Variants in GRIN2A observed in about 807,000 individuals in gnomAD.
GRIN2A encodes glutamate receptor ionotropic, NMDA 2A.
Under a neutral mutation model 113.4 loss-of-function variants are expected in GRIN2A, and 22 were observed. The observed-to-expected ratio is 0.19, with a 90% CI of 0.14 to 0.28. The LOEUF (loss-of-function observed/expected upper bound fraction) is 0.28. GRIN2A is among the 10% of genes least tolerant of loss of function. The pLI is 1.00. For missense variants in GRIN2A, 1,502 were observed against 1,887.0 expected (o/e 0.80, Z 3.78); for synonymous variants, 827 against 738.4 (o/e 1.12, Z -1.94).
intron 11 of GRIN2A, among the ~76,000 whole-genome samples, chr16:9,780,115 G>T (rs754173430): frequency 2.0e-5 from 3 of 152,216 alleles, no homozygotes; most frequent in African/African-American, 7.2e-5. Flanking sequence ...CTTACAGAAA[G>T]TCGAAAAGGA....
intron 2 of GRIN2A, among the ~76,000 whole-genome samples, chr16:10,029,047 G>C (rs1485153146): frequency 6.6e-6 from 1 of 152,196 alleles, no homozygotes; most frequent in African/African-American, 2.4e-5. Context: ...ACCAAATGCA[G>C]AGGGATCTCA....
At chr16:10,048,273 C>T (rs965899026) in intron 2 of GRIN2A, among the ~76,000 whole-genome samples, 1 of 152,118 alleles carries the variant, frequency 6.6e-6, no homozygotes, top group Non-Finnish European at 1.5e-5. Flanking sequence ...TCGTGATTGG[C>T]ACTTAGTAAG....
At chr16:10,171,141 T>C (rs2050033187) in intron 2 of GRIN2A, among the ~76,000 whole-genome samples, 1 of 152,168 alleles carries the variant, frequency 6.6e-6, no homozygotes, top group Admixed American at 6.5e-5. Flanking sequence ...ATCAAATGTA[T>C]TCGTAGTCAT....
chr16:10,039,800 GA>G lies in GRIN2A; in HGVS notation c.415-101250del, dbSNP rs1386197439. Among the ~76,000 whole-genome samples, 22 of 55,048 alleles carry G rather than the reference GA, an allele frequency of 4.0e-4. 1 individual carries two copies. Among genetic ancestry groups the G allele is most frequent in the Admixed American group, 5.5e-4 (3 of 5,480 alleles). 36.1% of individuals were successfully genotyped at this position (55,048 alleles called of 152,430 possible). ...GGAGGGGGAGGGGGAGGGGGAGGGG[GA>G]GGGGGGGGAGAAAGAGAGAGAGAGA... On this transcript the variant is annotated intron_variant, in intron 2 of 12. Transcript: ENST00000330684.
At chr16:10,173,556 T>C (rs1322089294) in intron 2 of GRIN2A, among the ~76,000 whole-genome samples, 1 of 152,202 alleles carries the variant, frequency 6.6e-6, no homozygotes. Flanking sequence ...TTGTGATATG[T>C]TCATCCGGAA....
intron 2 of GRIN2A, among the ~76,000 whole-genome samples, chr16:10,050,757 C>T (rs183439413): frequency 6.6e-6 from 1 of 152,214 alleles, no homozygotes; most frequent in East Asian, 1.9e-4. Flanking sequence ...AAACTGTCTT[C>T]CACGAAACTG....
chr16:9,968,974 A>G (rs2141729919), intron 2 of GRIN2A, among the ~76,000 whole-genome samples: 1 of 152,312 alleles, frequency 6.6e-6, no homozygotes, highest in East Asian at 1.9e-4. Context: ...ATCTTATTCA[A>G]CTCACTATAT....
At chr16:10,179,713 A>G (rs1029093867) in intron 2 of GRIN2A, 32 of 487,068 alleles carry the variant, frequency 6.6e-5, no homozygotes, top group South Asian at 1.1e-4. Context: ...CGCCACCACC[A>G]CCACCCCACA....
chr16:10,012,044 A>G (rs780461167), intron 2 of GRIN2A, among the ~76,000 whole-genome samples: 1 of 152,118 alleles, frequency 6.6e-6, no homozygotes, highest in Non-Finnish European at 1.5e-5. Flanking sequence ...CAGTCCAATC[A>G]GTGATACTTG....
At chr16:10,170,109 T>G (rs2050010562) in intron 2 of GRIN2A, among the ~76,000 whole-genome samples, 1 of 152,142 alleles carries the variant, frequency 6.6e-6, no homozygotes, top group Non-Finnish European at 1.5e-5. Flanking sequence ...AAATGCATGC[T>G]GTCTAAAGAC....
chr16:10,086,826 T>A (rs1227338348), intron 2 of GRIN2A, among the ~76,000 whole-genome samples: 3 of 152,152 alleles, frequency 2.0e-5, no homozygotes, highest in Non-Finnish European at 2.9e-5. Flanking sequence ...ATTCCCACCA[T>A]GACACTCATG....
At chr16:9,989,318 G>C (rs2046052543) in intron 2 of GRIN2A, among the ~76,000 whole-genome samples, 1 of 152,096 alleles carries the variant, frequency 6.6e-6, no homozygotes, top group South Asian at 2.1e-4. Context: ...AAATGGTGCT[G>C]GGAAAACTGG....
intron 2 of GRIN2A, among the ~76,000 whole-genome samples, chr16:10,108,498 G>C (rs1344965095): frequency 1.3e-5 from 2 of 152,188 alleles, no homozygotes; most frequent in Non-Finnish European, 2.9e-5. Context: ...GAATCACACA[G>C]CTGACAGGTA....
intron 2 of GRIN2A, among the ~76,000 whole-genome samples, chr16:10,135,113 A>G (rs528079696): frequency 6.6e-6 from 1 of 152,312 alleles, no homozygotes; most frequent in Non-Finnish European, 1.5e-5. Flanking sequence ...CATTTTACTA[A>G]AAGGAGCAAG....
chr16:10,001,790 C>A (rs533128284), intron 2 of GRIN2A, among the ~76,000 whole-genome samples: 1 of 152,066 alleles, frequency 6.6e-6, no homozygotes, highest in Admixed American at 6.6e-5. Flanking sequence ...GGATATCCAA[C>A]GGGAAATTAT....
rs1447527409 is a variant in GRIN2A at position 10,126,312 on chromosome 16, C to T, written c.414+53686G>A. 2.0e-5 allele frequency among the ~76,000 whole-genome samples: 3 copies of T among 151,976 alleles called. No individual in the cohort carries two copies. In the East Asian group the frequency reaches 5.8e-4, roughly 29 times the overall value. ...CAAGAAACAGACTACAGGCGTGCAC[C>T]ACCACACCTGGCTCATTTAAAAAAA... On this transcript the variant is annotated intron_variant, in intron 2 of 12. Transcript: ENST00000330684.
At position 9,798,203 on chromosome 16, in the gene GRIN2A, G is replaced by A. The variant is rs1189655128; in HGVS notation, c.2356+74C>T. ...AACTCATCATGCAAAGATCCACTGG[G>A]AAGCCCAGGAGCAAACAAAGCGAGT... On this transcript the variant is annotated intron_variant, in intron 11 of 12. Coordinates refer to ENST00000330684, the MANE Select transcript of GRIN2A (RefSeq NM_001134407.3). The A allele has an allele frequency of 1.9e-5, 23 of 1,202,754 alleles. No individual in the cohort carries two copies. In the South Asian group the frequency reaches 2.6e-4, roughly 14 times the overall value. The allele number at this position is 1,202,754 out of a possible 1,614,324, so 74.5% of individuals were successfully genotyped here.
At chr16:10,048,269 T>C (rs933146332) in intron 2 of GRIN2A, among the ~76,000 whole-genome samples, 5 of 152,206 alleles carry the variant, frequency 3.3e-5, no homozygotes, top group Non-Finnish European at 7.3e-5. Flanking sequence ...AAAATCGTGA[T>C]TGGCACTTAG....
At chr16:9,812,224 C>T (rs2042100774) in intron 10 of GRIN2A, among the ~76,000 whole-genome samples, 1 of 152,148 alleles carries the variant, frequency 6.6e-6, no homozygotes, top group Non-Finnish European at 1.5e-5. Context: ...GGATGAAAAT[C>T]TTGATGGTCA....
Sources: allele counts gnomAD v4.1 joint callset (sites outside exome capture counted in the v4.1 genomes callset), GRCh38; gene constraint gnomAD v4.1.1; transcripts MANE v1.5; gene names NCBI Gene and HGNC (gene_info 2026-07-23, HGNC 2026-07-21).